The following LARGE1 variants were observed in gnomAD, a reference collection of about 807,000 sequenced individuals.
LARGE1 encodes xylosyl- and glucuronyltransferase LARGE1.
In LARGE1, 43 loss-of-function variants were observed where a neutral mutation model predicts 87.6. That is an observed-to-expected ratio of 0.49 (90% CI 0.38 to 0.63). The LOEUF (loss-of-function observed/expected upper bound fraction) is 0.63, where lower values mean the gene tolerates loss of function less well. Ranked by LOEUF, LARGE1 falls within the 30% of genes least tolerant of loss-of-function variation. LARGE1 has a pLI of 0.00. For synonymous variants in LARGE1, 434 were observed against 394.6 expected (o/e 1.10, Z -1.18); for missense variants, 802 against 1,000.2 (o/e 0.80, Z 2.67).
At chr22:33,381,738 C>A (rs1384945123) in intron 9 of LARGE1, among the ~76,000 whole-genome samples, 181 bp downstream of exon 9, 1 of 152,076 alleles carries the variant, frequency 6.6e-6, no homozygotes, top group East Asian at 1.9e-4. Context: ...TTCCAGAAAG[C>A]CCAAATAAGG....
At chr22:33,236,146 C>G (rs1926240330) in intron 11 of LARGE1, among the ~76,000 whole-genome samples, 1 of 152,198 alleles carries the variant, frequency 6.6e-6, no homozygotes, top group Non-Finnish European at 1.5e-5. Context: ...AAGGAACCAA[C>G]TCTGCTGACA....
chr22:33,625,206 C>G (rs1359120614), intron 4 of LARGE1, among the ~76,000 whole-genome samples: 1 of 152,194 alleles, frequency 6.6e-6, no homozygotes, highest in Non-Finnish European at 1.5e-5. Context: ...AAGCTTCATC[C>G]AAACCCTTGG....
chr22:33,824,279 C>G (rs5754703), intron 1 of LARGE1, among the ~76,000 whole-genome samples: 28,389 of 152,178 alleles, frequency 0.19, 2,770 homozygotes, highest in Middle Eastern at 0.3. Flanking sequence ...CTCAGTTCTG[C>G]AAGCTGTACA....
chr22:33,278,489 TAAG>T (rs1456747610), intron 13 of LARGE1, among the ~76,000 whole-genome samples: 3 of 151,948 alleles, frequency 2.0e-5, no homozygotes, highest in Non-Finnish European at 4.4e-5. Context: ...ATAACCACAA[TAAG>T]AAGCAGCTAA....
chr22:33,291,384 C>A (rs1932521364), intron 12 of LARGE1, among the ~76,000 whole-genome samples: 1 of 152,144 alleles, frequency 6.6e-6, no homozygotes, highest in Non-Finnish European at 1.5e-5. Context: ...CTCCCTAAAT[C>A]CTGTCTGTCT....
At chr22:33,699,442 C>T (rs1464223635) in intron 2 of LARGE1, among the ~76,000 whole-genome samples, 3 of 152,150 alleles carry the variant, frequency 2.0e-5, no homozygotes, top group Admixed American at 6.5e-5. Flanking sequence ...GAAGCAGAGC[C>T]AGGAGGAGGC....
chr22:33,791,913 C>T (rs1398650780), intron 1 of LARGE1, among the ~76,000 whole-genome samples: 3 of 152,194 alleles, frequency 2.0e-5, no homozygotes, highest in African/African-American at 7.2e-5. Context: ...GTGCATACTG[C>T]ATGCTAAGAC....
intron 2 of LARGE1, among the ~76,000 whole-genome samples, chr22:33,711,415 T>C (rs2082727786): frequency 1.3e-5 from 2 of 152,174 alleles, no homozygotes; most frequent in Non-Finnish European, 2.9e-5. Flanking sequence ...CGTTCAAATG[T>C]GTCCTAAAAT....
At chr22:33,782,562 T>G (rs1234368845) in intron 1 of LARGE1, among the ~76,000 whole-genome samples, 1 of 152,130 alleles carries the variant, frequency 6.6e-6, no homozygotes, top group Admixed American at 6.5e-5. Context: ...GATTAGCTAC[T>G]ACCAAAATAA....
At chr22:33,148,164 A>G in the LARGE1 span, among the ~76,000 whole-genome samples, 1 of 152,178 alleles carries the variant, frequency 6.6e-6, no homozygotes, top group Non-Finnish European at 1.5e-5. Context: ...ACAGATGTCA[A>G]TGCCATGTTC....
intron 2 of LARGE1, among the ~76,000 whole-genome samples, chr22:33,728,581 C>CA (rs2083353486): frequency 9.2e-6 from 1 of 108,662 alleles, no homozygotes; most frequent in Non-Finnish European, 1.9e-5. Flanking sequence ...AAAAAAAAAC[C>CA]AACAACAGAG....
intron 1 of LARGE1, among the ~76,000 whole-genome samples, chr22:33,908,438 G>A (rs2065521882): frequency 6.6e-6 from 1 of 151,934 alleles, no homozygotes; most frequent in Non-Finnish European, 1.5e-5. Flanking sequence ...GAAGGAAAGA[G>A]CTTACCGGGC....
intron 2 of LARGE1, among the ~76,000 whole-genome samples, chr22:33,730,027 G>A (rs2083408535): frequency 6.6e-6 from 1 of 152,078 alleles, no homozygotes; most frequent in Admixed American, 6.6e-5. Context: ...TGTTGAGGGA[G>A]ACAGAGACCA....
chr22:33,589,467 C>T (rs1569294858), intron 5 of LARGE1, among the ~76,000 whole-genome samples: 1 of 143,870 alleles, frequency 7.0e-6, no homozygotes, highest in African/African-American at 2.8e-5. Context: ...TTGCCATCTT[C>T]TTATATATGG....
chr22:33,189,783 A>T (rs1163525722), intron 11 of LARGE1, among the ~76,000 whole-genome samples: 9 of 152,206 alleles, frequency 5.9e-5, no homozygotes. Context: ...TTTTCCACAC[A>T]TTCACAGAAG....
intron 11 of LARGE1, among the ~76,000 whole-genome samples, chr22:33,182,334 C>G (rs1018863162): frequency 1.3e-5 from 2 of 152,108 alleles, no homozygotes; most frequent in African/African-American, 4.8e-5. Flanking sequence ...TTTTTGTACT[C>G]AAAACTTTTT....
intron 5 of LARGE1, among the ~76,000 whole-genome samples, chr22:33,589,757 T>C (rs562975038): frequency 3.9e-4 from 60 of 152,352 alleles, no homozygotes; most frequent in South Asian, 2.5e-3. Context: ...AACTTTACTA[T>C]GAAATGTTCC....
At chr22:33,434,900 T>A (rs779360859) in intron 6 of LARGE1, among the ~76,000 whole-genome samples, 1 of 152,220 alleles carries the variant, frequency 6.6e-6, no homozygotes. Context: ...TGAAGCCTTT[T>A]ATGAATAAGC....
the LARGE1 span, among the ~76,000 whole-genome samples, chr22:33,147,436 C>T: frequency 5.3e-5 from 8 of 152,012 alleles, no homozygotes; most frequent in African/African-American, 9.7e-5. Context: ...TAAATTTTAA[C>T]CATTTTGGTG....
Sources: allele counts gnomAD v4.1 joint callset (sites outside exome capture counted in the v4.1 genomes callset), GRCh38; gene constraint gnomAD v4.1.1; transcripts MANE v1.5; gene names NCBI Gene and HGNC (gene_info 2026-07-23, HGNC 2026-07-21).